The following TTC23 variants were observed in gnomAD, a reference collection of about 807,000 sequenced individuals.
TTC23 encodes the protein tetratricopeptide repeat protein 23.
In TTC23, 58 loss-of-function variants were observed where a neutral mutation model predicts 55.1. That is an observed-to-expected ratio of 1.05 (90% CI 0.85 to 1.31). The LOEUF (loss-of-function observed/expected upper bound fraction) is 1.31, where lower values mean the gene tolerates loss of function less well. Ranked by LOEUF, TTC23 falls within the 50% of genes most tolerant of loss-of-function variation. TTC23 has a pLI of 0.00. For synonymous variants in TTC23, 203 were observed against 199.9 expected (o/e 1.02, Z -0.13); for missense variants, 516 against 534.4 (o/e 0.97, Z 0.34).
chr15:99,151,745 AGG>A (rs2069789330), intron 12 of TTC23, among the ~76,000 whole-genome samples: 1 of 152,228 alleles, frequency 6.6e-6, no homozygotes, highest in African/African-American at 2.4e-5. Flanking sequence ...TTTTAAGCTC[AGG>A]GACCCCTTGT....
At chr15:99,233,834 G>A (rs1197308539) in intron 4 of TTC23, among the ~76,000 whole-genome samples, 1 of 152,180 alleles carries the variant, frequency 6.6e-6, no homozygotes, top group Admixed American at 6.5e-5. Context: ...CTGTTAAGTA[G>A]ACAAGCAATG....
At chr15:99,208,645 C>T (rs540557319) in intron 8 of TTC23, among the ~76,000 whole-genome samples, 1 of 152,186 alleles carries the variant, frequency 6.6e-6, no homozygotes, top group African/African-American at 2.4e-5. Flanking sequence ...GCTAATGCAA[C>T]CCACAATGAG....
intron 11 of TTC23, chr15:99,158,933 G>C (rs552782175): frequency 2.0e-5 from 3 of 152,526 alleles, no homozygotes; most frequent in Non-Finnish European, 4.4e-5. Flanking sequence ...CCACACACAA[G>C]GGTGCCTGGC....
chr15:99,189,643 A>T (rs2075054754), intron 9 of TTC23, among the ~76,000 whole-genome samples: 1 of 152,206 alleles, frequency 6.6e-6, no homozygotes, highest in South Asian at 2.1e-4. Context: ...CTCATGAGGA[A>T]ACATTAGACA....
intron 9 of TTC23, among the ~76,000 whole-genome samples, chr15:99,194,552 C>CAAAAAAAAAAAAAAAAAAAAAAA (rs760038465): frequency 2.5e-5 from 1 of 40,456 alleles, no homozygotes; most frequent in Non-Finnish European, 5.0e-5. Context: ...ACATCACGTG[C>CAAAAAAAAAAAAAAAAAAAAAAA]AAAAAAAAAA....
chr15:99,200,056 G>A lies in TTC23; in HGVS notation c.622C>T (p.His208Tyr). ...GQKKSKEALS[H>Y]YQAALEYVEI... ...ACATATTCCAAAGCTGCTTGATAGT[G>A]GGACAAAGCTTCTTTTGACTTCTTC... The change falls in exon 9 of 14, where the codon CAC becomes TAC. Residue 208 changes from histidine (H) to tyrosine (Y), a missense_variant. Coordinates refer to ENST00000394132, the MANE Select transcript of TTC23 (RefSeq NM_001288615.3). 2 of 1,611,828 alleles carry A rather than the reference G, an allele frequency of 1.2e-6. No individual in the cohort carries two copies. The highest frequency in any genetic ancestry group is 1.6e-4 in the Middle Eastern group (1 of 6,082).
At chr15:99,228,773 T>G in intron 4 of TTC23, 41 bp from the exon 5 acceptor site, 1 of 1,416,040 alleles carries the variant, frequency 7.1e-7, no homozygotes. Flanking sequence ...AATGATAATT[T>G]CCATAGTTAC....
Position 99,217,532 on chromosome 15 carries a change from G to A in TTC23, c.581+1056C>T, listed in dbSNP as rs189577754. On this transcript the variant is annotated intron_variant, in intron 8 of 13. Transcript: ENST00000394132. ...TATTCAGAGATACATACTCAAAAAC[G>A]TAAGCCATCATTAAAGTATTTATCT... Among the ~76,000 whole-genome samples the A allele has an allele frequency of 3.3e-5, 5 of 152,266 alleles. No homozygotes were observed. In the South Asian group the frequency reaches 6.2e-4, roughly 19 times the overall value.
intron 4 of TTC23, among the ~76,000 whole-genome samples, chr15:99,231,902 C>T (rs1213681826): frequency 6.6e-6 from 1 of 151,986 alleles, no homozygotes; most frequent in African/African-American, 2.4e-5. Context: ...AAGCAATTCT[C>T]CTGCCTCAGC....
chr15:99,164,064 T>G (rs1401396938), intron 10 of TTC23, among the ~76,000 whole-genome samples: 1 of 152,136 alleles, frequency 6.6e-6, no homozygotes, highest in Non-Finnish European at 1.5e-5. Flanking sequence ...AATAAGCATA[T>G]ATGTAGTCTG....
intron 9 of TTC23, among the ~76,000 whole-genome samples, chr15:99,197,272 T>A (rs912281972): frequency 2.6e-5 from 4 of 152,040 alleles, no homozygotes; most frequent in African/African-American, 4.8e-5. Flanking sequence ...CCGGCTAATT[T>A]TTTGTATTGT....
chr15:99,170,751 G>C (rs1292421594), intron 10 of TTC23, among the ~76,000 whole-genome samples: 1 of 152,254 alleles, frequency 6.6e-6, no homozygotes, highest in African/African-American at 2.4e-5. Context: ...GGCCACGTGA[G>C]GGGACAGCAG....
chr15:99,235,280 A>AT (rs1555539118), intron 3 of TTC23, among the ~76,000 whole-genome samples, 200 bp from the exon 4 acceptor site: 1 of 151,740 alleles, frequency 6.6e-6, no homozygotes, highest in African/African-American at 2.4e-5. Flanking sequence ...TGTAGTAAAA[A>AT]ATATATATAT....
chr15:99,234,341 G>C (rs185716612), intron 4 of TTC23, among the ~76,000 whole-genome samples: 21 of 152,128 alleles, frequency 1.4e-4, no homozygotes, highest in Admixed American at 1.3e-4. Flanking sequence ...CTATACAAAT[G>C]GGCAATTTAT....
chr15:99,147,254 C>T (rs2069018627), intron 12 of TTC23, among the ~76,000 whole-genome samples: 2 of 135,370 alleles, frequency 1.5e-5, no homozygotes, highest in Non-Finnish European at 1.6e-5. Flanking sequence ...GAGACAGAGT[C>T]TCGCTCTGTC....
At chr15:99,163,386 G>C (rs961088502) in intron 10 of TTC23, among the ~76,000 whole-genome samples, 1 of 152,218 alleles carries the variant, frequency 6.6e-6, no homozygotes, top group African/African-American at 2.4e-5. Flanking sequence ...TCCTACAGCT[G>C]CAAGGAACTG....
At chr15:99,205,923 C>G (rs1237700529) in intron 8 of TTC23, among the ~76,000 whole-genome samples, 1 of 152,098 alleles carries the variant, frequency 6.6e-6, no homozygotes. Flanking sequence ...TTTCACTGTT[C>G]TGTATGATAC....
intron 8 of TTC23, 122 bp downstream of exon 8, chr15:99,218,466 C>T: frequency 7.8e-7 from 1 of 1,282,030 alleles, no homozygotes; most frequent in Non-Finnish European, 1.1e-6. Flanking sequence ...TACTTTTACA[C>T]AGTGACCTCC....
chr15:99,225,319 C>G (rs1035426864), intron 5 of TTC23, among the ~76,000 whole-genome samples: 1 of 152,162 alleles, frequency 6.6e-6, no homozygotes, highest in African/African-American at 2.4e-5. Context: ...AAGGGGCAGA[C>G]AGAAGACAAG....
Sources: gnomAD v4.1 joint callset for allele counts (sites outside exome capture counted in the v4.1 genomes callset) on GRCh38, gnomAD v4.1.1 for gene constraint, MANE v1.5 for transcripts, NCBI Gene and HGNC (gene_info 2026-07-23, HGNC 2026-07-21) for gene names.